The following PTPRO variants were observed in gnomAD, a reference collection of about 807,000 sequenced individuals.
PTPRO encodes the protein receptor-type tyrosine-protein phosphatase O.
In PTPRO, 62 loss-of-function variants were observed where a neutral mutation model predicts 145.2. That is an observed-to-expected ratio of 0.43 (90% CI 0.35 to 0.53). The LOEUF is 0.53. Among genes scored for constraint, PTPRO ranks in the 20% least tolerant of loss-of-function variants. PTPRO has a pLI of 0.01. For missense variants in PTPRO, 1,345 were observed against 1,482.7 expected (o/e 0.91, Z 1.53); for synonymous variants, 565 against 514.7 (o/e 1.10, Z -1.32).
intron 1 of PTPRO, among the ~76,000 whole-genome samples, chr12:15,401,786 T>G (rs910507841): frequency 6.6e-6 from 1 of 152,246 alleles, no homozygotes; most frequent in African/African-American, 2.4e-5. Flanking sequence ...GCACATCTTG[T>G]TCTTCTTGCT....
At chr12:15,507,796 A>T (rs1942354146) in intron 6 of PTPRO, among the ~76,000 whole-genome samples, 2 of 152,234 alleles carry the variant, frequency 1.3e-5, no homozygotes, top group African/African-American at 4.8e-5. Flanking sequence ...TCAGCTTAGG[A>T]ATACAGCATC....
At chr12:15,373,760 A>G (rs1402177430) in intron 1 of PTPRO, among the ~76,000 whole-genome samples, 1 of 152,196 alleles carries the variant, frequency 6.6e-6, no homozygotes, top group East Asian at 1.9e-4. Context: ...GCAAGGATAC[A>G]TTTTCTCAGA....
At chr12:15,543,647 A>G (rs1441014832) in intron 12 of PTPRO, among the ~76,000 whole-genome samples, 1 of 152,214 alleles carries the variant, frequency 6.6e-6, no homozygotes, top group Non-Finnish European at 1.5e-5. Context: ...AAAGTCATTT[A>G]TAACACATGA....
In PTPRO at chr12:15,557,261, C is replaced by G. The variant is rs572881050; in HGVS notation, c.2559-194C>G. 7.9e-4 allele frequency among the ~76,000 whole-genome samples: 120 copies of G among 152,270 alleles called. 1 individual carries two copies. Among genetic ancestry groups the G allele is most frequent in the Non-Finnish European group, 1.2e-3 (85 of 68,018 alleles). On this transcript the variant is annotated intron_variant, in intron 15 of 26. Transcript: ENST00000281171. ...TCGCCATGTTGGCGAAACTCCTGAC[C>G]TCAGGTGATCCGCCCACCTCGGCCT...
At chr12:15,396,498 T>C (rs1939343724) in intron 1 of PTPRO, among the ~76,000 whole-genome samples, 1 of 152,204 alleles carries the variant, frequency 6.6e-6, no homozygotes, top group Non-Finnish European at 1.5e-5. Context: ...CAGCCCTCTT[T>C]TATAGTAAAG....
At chr12:15,331,439 T>C (rs931251742) in intron 1 of PTPRO, among the ~76,000 whole-genome samples, 7 of 152,220 alleles carry the variant, frequency 4.6e-5, no homozygotes, top group Non-Finnish European at 1.5e-5. Flanking sequence ...TCCACTATGC[T>C]ATTTACTGGC....
intron 2 of PTPRO, among the ~76,000 whole-genome samples, chr12:15,490,653 T>A (rs1334907872): frequency 6.6e-6 from 1 of 152,134 alleles, no homozygotes; most frequent in Non-Finnish European, 1.5e-5. Flanking sequence ...ATTGGGATAA[T>A]TAGAGTGCCT....
rs770296918 is a variant in PTPRO, at chr12:15,504,009, T to G, written c.1207T>G (p.Ser403Ala). The G allele has an allele frequency of 2.5e-6, 4 of 1,612,520 alleles. No individual in the cohort carries two copies. The highest frequency in any genetic ancestry group is 3.4e-6 in the Non-Finnish European group (4 of 1,178,674). The change falls in exon 6 of 27, where the codon TCC becomes GCC. Residue 403 changes from serine to alanine, a missense_variant. This residue lies in a region of PTPRO where 1,130 missense variants were observed against 1,214.7 expected (regional missense o/e 0.93). Coordinates refer to ENST00000281171, the MANE Select transcript of PTPRO (RefSeq NM_030667.3). ...KYKLSVTTFSSSGSCETRKSQ... is the reference protein window; with the variant it reads ...KYKLSVTTFSASGSCETRKSQ... ...TAAGTTATCTGTGACAACCTTTAGTTCCTCAGGATCTTGTGAAACTCGAAA... is the reference window on the plus strand; with the variant it reads ...TAAGTTATCTGTGACAACCTTTAGTGCCTCAGGATCTTGTGAAACTCGAAA...
At chr12:15,558,559 A>G (rs1943697043) in intron 16 of PTPRO, among the ~76,000 whole-genome samples, 1 of 152,254 alleles carries the variant, frequency 6.6e-6, no homozygotes, top group South Asian at 2.1e-4. Flanking sequence ...TAAACATTTA[A>G]CATGAAGCTA....
chr12:15,500,065 G>GGATGGATA (rs1235388404), intron 4 of PTPRO, among the ~76,000 whole-genome samples: 1 of 142,390 alleles, frequency 7.0e-6, no homozygotes, highest in East Asian at 2.1e-4. Context: ...TTGCATGGAT[G>GGATGGATA]GATGGATAGA....
At chr12:15,484,938 A>G (rs746025568) in intron 2 of PTPRO, among the ~76,000 whole-genome samples, 56 of 152,098 alleles carry the variant, frequency 3.7e-4, no homozygotes, top group Non-Finnish European at 1.0e-4. Flanking sequence ...TCTACTGTCT[A>G]TGTTGACATG....
At chr12:15,395,192 A>T (rs536186074) in intron 1 of PTPRO, among the ~76,000 whole-genome samples, 1 of 152,322 alleles carries the variant, frequency 6.6e-6, no homozygotes, top group East Asian at 1.9e-4. Flanking sequence ...TTGCTAGAGC[A>T]GTTGAAGCAG....
chr12:15,454,376 T>C (rs1256813619), intron 1 of PTPRO, among the ~76,000 whole-genome samples: 2 of 152,234 alleles, frequency 1.3e-5, no homozygotes, highest in Non-Finnish European at 2.9e-5. Flanking sequence ...GAAAAAAATG[T>C]CTATTTAAGG....
chr12:15,435,745 G>C (rs1024103574), intron 1 of PTPRO, among the ~76,000 whole-genome samples: 7 of 152,066 alleles, frequency 4.6e-5, no homozygotes, highest in African/African-American at 1.7e-4. Flanking sequence ...CCAGGACTTA[G>C]TGAGAAATGA....
In PTPRO at chr12:15,499,515, G is replaced by A; in HGVS notation, c.582G>A (p.Leu194=). Reference sequence around the variant, plus strand: ...GTTATAGTAATATCACCTTTCAGCTGGTATCTGAGGCAACTTTTAATAAAA... The same window carrying A: ...GTTATAGTAATATCACCTTTCAGCTAGTATCTGAGGCAACTTTTAATAAAA... ...GMCYSNITFQ[L]VSEATFNKST... The change falls in exon 4 of 27, where the codon CTG becomes CTA. Residue 194 remains leucine (L), a synonymous_variant. Transcript: ENST00000281171. 6.2e-7 allele frequency: 1 copy of A among 1,613,608 alleles called. No homozygotes were observed. The highest frequency in any genetic ancestry group is 8.5e-7 in the Non-Finnish European group (1 of 1,179,628).
In PTPRO at chr12:15,323,693, C is replaced by T. The variant is rs142103420; in HGVS notation, c.75+892C>T. ...TCTGTTGTTAGTCTTTTCCTCTCTCCGCAAAGCAAACTCAAGAATGTCGAC... is the reference window on the plus strand; with the variant it reads ...TCTGTTGTTAGTCTTTTCCTCTCTCTGCAAAGCAAACTCAAGAATGTCGAC... On this transcript the variant is annotated intron_variant, in intron 1 of 26. Coordinates refer to ENST00000281171, the MANE Select transcript of PTPRO (RefSeq NM_030667.3). Among the ~76,000 whole-genome samples, 434 of 152,260 alleles carry T rather than the reference C, an allele frequency of 2.9e-3. 1 individual carries two copies. Among genetic ancestry groups the T allele is most frequent in the Admixed American group, 4.8e-3 (74 of 15,302 alleles).
rs1433820913 is a variant in PTPRO, at chr12:15,478,928, C to G, written c.76-5046C>G. Among the ~76,000 whole-genome samples, 4 of 152,178 alleles carry G rather than the reference C, an allele frequency of 2.6e-5. No homozygotes were observed. In the East Asian group the frequency reaches 7.7e-4, roughly 29 times the overall value. On this transcript the variant is annotated intron_variant, in intron 1 of 26. Coordinates refer to ENST00000281171, the MANE Select transcript of PTPRO (RefSeq NM_030667.3). Reference sequence around the variant, plus strand: ...TCTCGTGATCCGCCCGCCTCGGCCTCCCAAAGTGGTGGGATTACAGGCGTG... The same window carrying G: ...TCTCGTGATCCGCCCGCCTCGGCCTGCCAAAGTGGTGGGATTACAGGCGTG...
intron 3 of PTPRO, among the ~76,000 whole-genome samples, chr12:15,498,053 C>T (rs1387694926): frequency 7.1e-6 from 1 of 140,320 alleles, no homozygotes; most frequent in African/African-American, 2.7e-5. Context: ...AGTGAAGGAA[C>T]TTGAATACGC....
rs532193163 is a variant in PTPRO at position 15,535,767 on chromosome 12, C to A, written c.2164+9505C>A. ...TAACAGAACAGGGAGGAGCCTCATACCCACTTTTGTGACTTTCCGTTCCTC... is the reference window on the plus strand; with the variant it reads ...TAACAGAACAGGGAGGAGCCTCATAACCACTTTTGTGACTTTCCGTTCCTC... On this transcript the variant is annotated intron_variant, in intron 12 of 26. Coordinates refer to ENST00000281171, the MANE Select transcript of PTPRO (RefSeq NM_030667.3). 2.6e-5 allele frequency among the ~76,000 whole-genome samples: 4 copies of A among 152,336 alleles called. No homozygotes were observed. In the South Asian group the frequency reaches 8.3e-4, roughly 32 times the overall value.
Sources: allele counts gnomAD v4.1 joint callset (sites outside exome capture counted in the v4.1 genomes callset), GRCh38; gene constraint gnomAD v4.1.1; regional missense constraint gnomAD v4.1.1; transcripts MANE v1.5; gene names NCBI Gene and HGNC (gene_info 2026-07-23, HGNC 2026-07-21).